The following PDE1C variants were observed in gnomAD, a reference collection of about 807,000 sequenced individuals.
The protein encoded by PDE1C is phosphodiesterase 1C, also known as dual specificity calcium/calmodulin-dependent 3',5'-cyclic nucleotide phosphodiesterase 1C.
PDE1C carries 62 observed loss-of-function variants against 93.1 expected under a neutral mutation model. That is an observed-to-expected ratio of 0.67 (90% CI 0.54 to 0.82). The LOEUF (loss-of-function observed/expected upper bound fraction) is 0.82, where lower values mean the gene tolerates loss of function less well. Among genes scored for constraint, PDE1C ranks in the 40% least tolerant of loss-of-function variants. The pLI, the probability that PDE1C is intolerant of heterozygous loss-of-function variation, is 0.00. For missense variants in PDE1C, 742 were observed against 884.6 expected (o/e 0.84, Z 2.04); for synonymous variants, 325 against 310.1 (o/e 1.05, Z -0.50).
At chr7:31,637,503 T>C in the PDE1C span, among the ~76,000 whole-genome samples, 1 of 152,236 alleles carries the variant, frequency 6.6e-6, no homozygotes. Flanking sequence ...ATGAGCATTT[T>C]TTCATGTGTC....
chr7:32,099,343 G>A (rs529976000), intron 3 of PDE1C, among the ~76,000 whole-genome samples: 29 of 152,280 alleles, frequency 1.9e-4, no homozygotes, highest in African/African-American at 5.1e-4. Context: ...GGGGAATGAG[G>A]AAATAGGATG....
In PDE1C at chr7:32,309,624, C is replaced by G. The variant is rs948737085; in HGVS notation, c.311-100085G>C. On this transcript the variant is annotated intron_variant, in intron 1 of 1. Transcript: ENST00000672256. ...ATTCTTATAGAAAAGAATTTCCAAC[C>G]CAGAATTTCATATCCAGCCAAACTA... Among the ~76,000 whole-genome samples, 5 of 152,124 alleles carry G rather than the reference C, an allele frequency of 3.3e-5. No homozygotes were observed. In the East Asian group the frequency reaches 9.6e-4, roughly 29 times the overall value.
intron 1 of PDE1C, among the ~76,000 whole-genome samples, chr7:32,222,591 A>G (rs1056035148): frequency 6.6e-6 from 1 of 152,160 alleles, no homozygotes; most frequent in African/African-American, 2.4e-5. Flanking sequence ...AGTTGGGGAC[A>G]ATTTGGGGGT....
At position 32,395,028 on chromosome 7, in the gene PDE1C, C is replaced by T. The variant is rs79810609; in HGVS notation, c.310+32794G>A. ...TTGTGAGCCAGATAAACCTCTTTCT[C>T]TATAAATTACCCAGCCTCAGGTATT... On this transcript the variant is annotated intron_variant, in intron 1 of 1. Transcript: ENST00000672256. Among the ~76,000 whole-genome samples, 872 of 152,248 alleles carry T rather than the reference C, an allele frequency of 5.7e-3. 8 individuals are homozygous for T. The highest frequency in any genetic ancestry group is 0.02 in the African/African-American group (818 of 41,530).
intron 3 of PDE1C, among the ~76,000 whole-genome samples, chr7:32,102,923 G>T (rs546564684): frequency 1.3e-5 from 2 of 152,260 alleles, no homozygotes; most frequent in South Asian, 2.1e-4. Flanking sequence ...GAATTGTGAG[G>T]CTTCCCCAGA....
intron 1 of PDE1C, among the ~76,000 whole-genome samples, chr7:32,292,371 G>A (rs1006981312): frequency 3.3e-5 from 5 of 151,974 alleles, no homozygotes; most frequent in Admixed American, 2.0e-4. Flanking sequence ...AAAACTCTAT[G>A]AAGTAAAATA....
chr7:31,633,426 C>T, the PDE1C span, among the ~76,000 whole-genome samples: 11 of 152,174 alleles, frequency 7.2e-5, no homozygotes, highest in Admixed American at 7.2e-4. Flanking sequence ...AAATGACCAT[C>T]TATAAGGAGT....
intron 1 of PDE1C, among the ~76,000 whole-genome samples, chr7:32,062,297 T>G (rs1794907186): frequency 6.6e-6 from 1 of 152,148 alleles, no homozygotes; most frequent in Non-Finnish European, 1.5e-5. Flanking sequence ...AGTTCTCACA[T>G]CCATGCCTAC....
At chr7:31,738,395 G>A in the PDE1C span, among the ~76,000 whole-genome samples, 3 of 152,322 alleles carry the variant, frequency 2.0e-5, no homozygotes, top group East Asian at 1.9e-4. Context: ...GAGCGCTTGC[G>A]CAGGGGAACT....
chr7:31,804,845 A>G (rs1483862514), intron 16 of PDE1C, among the ~76,000 whole-genome samples: 1 of 151,836 alleles, frequency 6.6e-6, no homozygotes, highest in Admixed American at 6.6e-5. Context: ...AGTAAGTAGA[A>G]CCAGTACAGT....
chr7:32,281,665 T>G (rs908001267), intron 1 of PDE1C, among the ~76,000 whole-genome samples: 1 of 152,148 alleles, frequency 6.6e-6, no homozygotes, highest in East Asian at 1.9e-4. Context: ...AAGAAATAAG[T>G]TGCACAGCTA....
At position 32,164,581 on chromosome 7, in the gene PDE1C, T is replaced by G. The variant is rs1350418918; in HGVS notation, c.308+5204A>C. Among the ~76,000 whole-genome samples the G allele has an allele frequency of 5.3e-5, 8 of 152,214 alleles. No individual in the cohort carries two copies. In the East Asian group the frequency reaches 1.5e-3, roughly 29 times the overall value. On this transcript the variant is annotated intron_variant, in intron 3 of 18. Transcript: ENST00000396193. ...GACTTTGGGCAAGCTGCTTGATCTC[T>G]CTGAGCCTCAGTTTCCTGACCTGTA...
chr7:32,406,330 A>G (rs1785050969), intron 1 of PDE1C, among the ~76,000 whole-genome samples: 1 of 152,220 alleles, frequency 6.6e-6, no homozygotes, highest in Admixed American at 6.5e-5. Context: ...TGGGGAGAAT[A>G]AGTAAAATCT....
chr7:31,905,445 G>T (rs1274666578), intron 2 of PDE1C, among the ~76,000 whole-genome samples: 3 of 152,036 alleles, frequency 2.0e-5, no homozygotes, highest in African/African-American at 7.2e-5. Context: ...ACCTTTTCTT[G>T]CAGGATTATC....
Position 32,414,596 on chromosome 7 carries a change from G to A in PDE1C, c.310+13226C>T, listed in dbSNP as rs942725757. ...TTCAACTCATTCTGACATATTAAAA[G>A]AAGTTGGCATTTGGTAGCATCAAGT... is the stretch of plus-strand genomic sequence containing the variant. On this transcript the variant is annotated intron_variant, in intron 1 of 1. Transcript: ENST00000672256. Among the ~76,000 whole-genome samples the A allele has an allele frequency of 2.6e-5, 4 of 152,194 alleles. No homozygotes were observed. In the South Asian group the frequency reaches 6.2e-4, roughly 24 times the overall value.
At chr7:31,964,057 A>T (rs1244351053) in intron 2 of PDE1C, among the ~76,000 whole-genome samples, 2 of 152,222 alleles carry the variant, frequency 1.3e-5, no homozygotes, top group African/African-American at 4.8e-5. Flanking sequence ...TGATTTCTGC[A>T]TTTCCAACTG....
chr7:32,062,314 T>C (rs1023798525), intron 1 of PDE1C, among the ~76,000 whole-genome samples: 2 of 152,176 alleles, frequency 1.3e-5, no homozygotes, highest in Non-Finnish European at 2.9e-5. Context: ...CTACTGATAA[T>C]GGCTTCCCCT....
chr7:31,792,508 T>C (rs558193255), intron 16 of PDE1C, among the ~76,000 whole-genome samples: 9 of 152,252 alleles, frequency 5.9e-5, no homozygotes, highest in Admixed American at 4.6e-4. Flanking sequence ...ACCAATTATA[T>C]ATTTTATTCA....
At chr7:32,062,180 A>T (rs1794893493) in intron 1 of PDE1C, among the ~76,000 whole-genome samples, 1 of 152,176 alleles carries the variant, frequency 6.6e-6, no homozygotes, top group African/African-American at 2.4e-5. Context: ...ATCCTAATCT[A>T]AGAAAAAAGA....
Sources: gnomAD v4.1 joint callset for allele counts (sites outside exome capture counted in the v4.1 genomes callset) on GRCh38, gnomAD v4.1.1 for gene constraint, MANE v1.5 for transcripts, NCBI Gene and HGNC (gene_info 2026-07-23, HGNC 2026-07-21) for gene names.